Variants in LRRC4C observed in about 807,000 individuals in gnomAD.
LRRC4C encodes leucine rich repeat containing 4C.
In LRRC4C, 5 loss-of-function variants were observed where a neutral mutation model predicts 33.6. That is an observed-to-expected ratio of 0.15 (90% CI 0.08 to 0.31). The LOEUF (loss-of-function observed/expected upper bound fraction) is 0.31. LRRC4C is among the 10% of genes least tolerant of loss of function. The pLI, the probability that LRRC4C is intolerant of heterozygous loss-of-function variation, is 1.00. For synonymous variants in LRRC4C, 329 were observed against 302.0 expected (o/e 1.09, Z -0.93); for missense variants, 560 against 796.7 (o/e 0.70, Z 3.58).
intron 1 of LRRC4C, among the ~76,000 whole-genome samples, chr11:41,230,978 G>C (rs948598912): frequency 6.8e-6 from 1 of 147,904 alleles, no homozygotes; most frequent in Non-Finnish European, 1.5e-5. Context: ...CTTCTCAAAA[G>C]AAGACATTTA....
intron 5 of LRRC4C, among the ~76,000 whole-genome samples, chr11:40,211,569 T>G (rs1343976753): frequency 2.0e-5 from 3 of 152,168 alleles, no homozygotes; most frequent in Non-Finnish European, 4.4e-5. Context: ...ATTTGCTCAT[T>G]GTGTCCAAAG....
intron 5 of LRRC4C, among the ~76,000 whole-genome samples, chr11:40,197,235 T>C (rs563724321): frequency 7.0e-4 from 106 of 152,282 alleles, no homozygotes; most frequent in African/African-American, 2.5e-3. Flanking sequence ...AGCTTGAGCC[T>C]CCATAAATTG....
At chr11:40,370,781 A>G (rs984994178) in intron 3 of LRRC4C, among the ~76,000 whole-genome samples, 1 of 152,202 alleles carries the variant, frequency 6.6e-6, no homozygotes, top group Non-Finnish European at 1.5e-5. Flanking sequence ...TCAAGAGTTT[A>G]TTTTCCATGA....
intron 2 of LRRC4C, among the ~76,000 whole-genome samples, chr11:40,761,838 A>G (rs191986415): frequency 1.5e-3 from 222 of 152,278 alleles, no homozygotes; most frequent in Middle Eastern, 0.01. Flanking sequence ...ACATTGAAAT[A>G]ACAATCTTCC....
At chr11:40,312,823 T>A (rs1399817697) in intron 4 of LRRC4C, among the ~76,000 whole-genome samples, 1 of 152,120 alleles carries the variant, frequency 6.6e-6, no homozygotes, top group Non-Finnish European at 1.5e-5. Context: ...CGAAAGACAT[T>A]TATTTGAGCA....
intron 1 of LRRC4C, among the ~76,000 whole-genome samples, chr11:41,117,542 G>T (rs1263052426): frequency 6.6e-6 from 1 of 152,070 alleles, no homozygotes; most frequent in Non-Finnish European, 1.5e-5. Context: ...GCATTGTTTT[G>T]TAAGAGTGGT....
intron 3 of LRRC4C, among the ~76,000 whole-genome samples, chr11:40,508,936 A>G (rs1414022472): frequency 2.0e-5 from 3 of 150,174 alleles, no homozygotes; most frequent in African/African-American, 7.6e-5. Flanking sequence ...AAATTGACAA[A>G]GCTTTAAAAA....
intron 6 of LRRC4C, among the ~76,000 whole-genome samples, chr11:40,130,290 T>C (rs1204814193): frequency 1.3e-5 from 2 of 152,210 alleles, no homozygotes; most frequent in African/African-American, 4.8e-5. Context: ...CATTCTCCTT[T>C]GTGCTAATAT....
intron 3 of LRRC4C, among the ~76,000 whole-genome samples, chr11:40,616,120 A>T (rs1368013434): frequency 6.6e-6 from 1 of 152,070 alleles, no homozygotes; most frequent in Non-Finnish European, 1.5e-5. Context: ...GACACTTCTC[A>T]AAAGAAGACA....
Position 40,500,291 on chromosome 11 carries a change from T to TAC in LRRC4C, c.-270+147850_-270+147851insGT, listed in dbSNP as rs1182079941. On this transcript the variant is annotated intron_variant, in intron 3 of 6. Coordinates refer to ENST00000528697, the MANE Select transcript of LRRC4C (RefSeq NM_001258419.2). The stretch of plus-strand genomic sequence containing the variant: ...TGTCTGATATATATATATATATATA[T>TAC]ATACACACACACACACACACACACA... Among the ~76,000 whole-genome samples, 60 of 62,768 alleles carry TAC rather than the reference T, an allele frequency of 9.6e-4. 1 individual carries two copies. Among genetic ancestry groups the TAC allele is most frequent in the African/African-American group, 2.5e-3 (43 of 17,078 alleles). 41.2% of individuals were successfully genotyped at this position (62,768 alleles called of 152,430 possible).
intron 3 of LRRC4C, among the ~76,000 whole-genome samples, chr11:40,638,666 G>A (rs1382859846): frequency 2.0e-5 from 3 of 151,834 alleles, no homozygotes; most frequent in African/African-American, 7.3e-5. Flanking sequence ...AAGAATGAAG[G>A]CACATGAATT....
intron 3 of LRRC4C, among the ~76,000 whole-genome samples, chr11:40,598,599 A>G (rs1164721376): frequency 2.6e-5 from 4 of 152,210 alleles, no homozygotes; most frequent in African/African-American, 7.2e-5. Flanking sequence ...TATCCTCACA[A>G]TAAGTCCAAA....
intron 1 of LRRC4C, among the ~76,000 whole-genome samples, chr11:41,231,842 C>T (rs1204597799): frequency 1.3e-5 from 2 of 151,436 alleles, no homozygotes; most frequent in Non-Finnish European, 2.9e-5. Context: ...TATATATACA[C>T]ACATATAGAA....
chr11:40,218,244 T>C lies in LRRC4C; in HGVS notation c.-96+23275A>G, dbSNP rs147740561. Among the ~76,000 whole-genome samples, 4 of 152,304 alleles carry C rather than the reference T, an allele frequency of 2.6e-5. No homozygotes were observed. The East Asian group carries it at 7.7e-4, about 29-fold the overall frequency. On this transcript the variant is annotated intron_variant, in intron 5 of 6. Transcript: ENST00000528697. The stretch of plus-strand genomic sequence containing the variant: ...CATTAATTTTACAGAATTATCTGCC[T>C]ATGAAAATTGGGAAATTTTCTCCTA...
intron 1 of LRRC4C, among the ~76,000 whole-genome samples, chr11:41,219,755 G>A (rs766736293): frequency 5.3e-5 from 8 of 152,220 alleles, no homozygotes; most frequent in Non-Finnish European, 1.2e-4. Flanking sequence ...GGATGAACCA[G>A]ATGAAGTTTC....
intron 3 of LRRC4C, among the ~76,000 whole-genome samples, chr11:40,359,411 C>G (rs1236754439): frequency 6.6e-6 from 1 of 152,150 alleles, no homozygotes; most frequent in African/African-American, 2.4e-5. Flanking sequence ...CCTCAGTAGA[C>G]AGAACTTTTT....
chr11:40,496,919 G>T (rs79953976), intron 3 of LRRC4C, among the ~76,000 whole-genome samples: 2,650 of 152,292 alleles, frequency 0.017, 95 homozygotes, highest in African/African-American at 0.06. Context: ...GCTATGGAAA[G>T]TGATGGCTAT....
intron 3 of LRRC4C, among the ~76,000 whole-genome samples, chr11:40,592,354 C>A (rs1402738914): frequency 6.6e-6 from 1 of 152,122 alleles, no homozygotes; most frequent in Non-Finnish European, 1.5e-5. Flanking sequence ...GGCTGAAACA[C>A]AAATTGTTGA....
intron 1 of LRRC4C, among the ~76,000 whole-genome samples, chr11:41,260,381 G>C (rs1591089105): frequency 1.3e-5 from 2 of 151,994 alleles, no homozygotes; most frequent in African/African-American, 4.8e-5. Flanking sequence ...AATTCAAAAT[G>C]TCTTCTTAGA....
Sources: gnomAD v4.1 joint callset for allele counts (sites outside exome capture counted in the v4.1 genomes callset) on GRCh38, gnomAD v4.1.1 for gene constraint, MANE v1.5 for transcripts, NCBI Gene and HGNC (gene_info 2026-07-23, HGNC 2026-07-21) for gene names.